STXBP5L: variants seen among roughly 807,000 people sequenced by gnomAD.
STXBP5L encodes the protein syntaxin-binding protein 5-like.
Under a neutral mutation model 144.5 loss-of-function variants are expected in STXBP5L, and 65 were observed. The observed-to-expected ratio is 0.45, with a 90% CI of 0.37 to 0.55. STXBP5L has a LOEUF of 0.55. Ranked by LOEUF, STXBP5L falls within the 20% of genes least tolerant of loss-of-function variation. The pLI, the probability that STXBP5L is intolerant of heterozygous loss-of-function variation, is 0.00. For synonymous variants in STXBP5L, 505 were observed against 469.6 expected (o/e 1.08, Z -0.97); for missense variants, 1,298 against 1,405.5 (o/e 0.92, Z 1.22).
intron 9 of STXBP5L, among the ~76,000 whole-genome samples, chr3:121,176,374 T>G (rs546673265): frequency 6.1e-5 from 9 of 148,418 alleles, no homozygotes; most frequent in African/African-American, 2.0e-4. Context: ...AAGAAAGAAA[T>G]AAGGATTGTA....
At chr3:121,388,051 ATTTG>A (rs1238529932) in intron 22 of STXBP5L, among the ~76,000 whole-genome samples, 4 of 152,286 alleles carry the variant, frequency 2.6e-5, no homozygotes, top group African/African-American at 9.6e-5. Context: ...ATATTCTTCT[ATTTG>A]TTTGTGTCCT....
chr3:120,936,473 G>A (rs536178509), intron 2 of STXBP5L, among the ~76,000 whole-genome samples: 3 of 152,260 alleles, frequency 2.0e-5, no homozygotes, highest in Admixed American at 2.0e-4. Flanking sequence ...TTATCTGATT[G>A]GGGTCAAGCT....
chr3:121,303,116 T>G (rs957988239), intron 19 of STXBP5L, among the ~76,000 whole-genome samples: 3 of 151,964 alleles, frequency 2.0e-5, no homozygotes, highest in Admixed American at 6.6e-5. Context: ...GGGAGAAAAT[T>G]TTTGCAATCT....
intron 3 of STXBP5L, among the ~76,000 whole-genome samples, chr3:120,998,272 G>A (rs1347691335): frequency 6.6e-6 from 1 of 152,078 alleles, no homozygotes; most frequent in Non-Finnish European, 1.5e-5. Context: ...CCTCCAAATA[G>A]GAAGAGAGGA....
chr3:120,970,219 C>T lies in STXBP5L; in HGVS notation c.287+15182C>T, dbSNP rs1192076206. ...GCCTTCATACTCAAGATGTAAATGGCTTACTTATTCAAATTACAGTTTTAG... is the reference window on the plus strand; with the variant it reads ...GCCTTCATACTCAAGATGTAAATGGTTTACTTATTCAAATTACAGTTTTAG... On this transcript the variant is annotated intron_variant, in intron 3 of 26. Coordinates refer to ENST00000471454, the MANE Select transcript of STXBP5L (RefSeq NM_001308330.2). Among the ~76,000 whole-genome samples the T allele has an allele frequency of 2.6e-5, 4 of 152,022 alleles. No homozygotes were observed. In the South Asian group the frequency reaches 8.3e-4, roughly 32 times the overall value.
intron 19 of STXBP5L, among the ~76,000 whole-genome samples, chr3:121,298,138 A>C (rs1385679359): frequency 6.6e-6 from 1 of 151,970 alleles, no homozygotes; most frequent in Non-Finnish European, 1.5e-5. Context: ...CCTCATCAAC[A>C]CTTGTTATTT....
At chr3:121,412,648 C>G (rs1031539242) in intron 23 of STXBP5L, among the ~76,000 whole-genome samples, 3 of 135,434 alleles carry the variant, frequency 2.2e-5, no homozygotes, top group Non-Finnish European at 4.5e-5. Context: ...ATTAGTATTT[C>G]TGATAATAGT....
intron 12 of STXBP5L, 120 bp downstream of exon 12, chr3:121,233,808 A>C: frequency 2.6e-6 from 2 of 762,194 alleles, no homozygotes; most frequent in Non-Finnish European, 3.9e-6. Context: ...GAATTACAGA[A>C]ATGCACTTTG....
At chr3:121,041,654 T>C (rs760612172) in intron 3 of STXBP5L, 46 bp from the exon 4 acceptor site, 1 of 1,361,884 alleles carries the variant, frequency 7.3e-7, no homozygotes, top group Non-Finnish European at 1.1e-6. Context: ...CTCATTAATA[T>C]TGGTGCTAAT....
chr3:121,360,134 C>CA, intron 20 of STXBP5L, among the ~76,000 whole-genome samples: 1 of 148,498 alleles, frequency 6.7e-6, no homozygotes, highest in East Asian at 2.0e-4. Flanking sequence ...GCTGAATTGA[C>CA]CCCTTCATTA....
intron 20 of STXBP5L, among the ~76,000 whole-genome samples, chr3:121,324,136 A>G (rs1026382464): frequency 6.6e-6 from 1 of 152,164 alleles, no homozygotes; most frequent in African/African-American, 2.4e-5. Context: ...GGCTAGGATG[A>G]TAGAAATATA....
intron 19 of STXBP5L, among the ~76,000 whole-genome samples, chr3:121,281,161 C>T (rs13100963): frequency 0.019 from 2,961 of 151,914 alleles, 46 homozygotes; most frequent in Non-Finnish European, 0.029. Flanking sequence ...ACTTGTTATA[C>T]TGAAACTCTT....
At chr3:121,076,334 G>A (rs1421993802) in intron 5 of STXBP5L, among the ~76,000 whole-genome samples, 1 of 152,172 alleles carries the variant, frequency 6.6e-6, no homozygotes, top group Non-Finnish European at 1.5e-5. Context: ...TGTCAGGGAT[G>A]GATAAATTGG....
chr3:121,260,472 C>T (rs1243165438), intron 18 of STXBP5L, among the ~76,000 whole-genome samples: 2 of 151,910 alleles, frequency 1.3e-5, no homozygotes, highest in Non-Finnish European at 2.9e-5. Flanking sequence ...AGTCCTTCCT[C>T]ACTTCAAGAT....
At chr3:121,368,547 GA>G (rs1383474501) in intron 20 of STXBP5L, among the ~76,000 whole-genome samples, 1 of 151,134 alleles carries the variant, frequency 6.6e-6, no homozygotes. Context: ...TGTACATTAT[GA>G]TTTTTTTTGT....
chr3:120,917,152 T>C (rs1357969957), intron 2 of STXBP5L, among the ~76,000 whole-genome samples: 2 of 152,138 alleles, frequency 1.3e-5, no homozygotes, highest in Non-Finnish European at 2.9e-5. Context: ...TGTCCCAGCT[T>C]TGTGGAGTGG....
chr3:121,108,554 G>C (rs182513541), intron 5 of STXBP5L, among the ~76,000 whole-genome samples: 8 of 152,090 alleles, frequency 5.3e-5, no homozygotes, highest in African/African-American at 1.4e-4. Flanking sequence ...CTTGCATCCC[G>C]GGGATGAAGC....
chr3:121,064,128 G>A (rs1045891589), intron 5 of STXBP5L, among the ~76,000 whole-genome samples: 2 of 152,184 alleles, frequency 1.3e-5, no homozygotes, highest in Non-Finnish European at 2.9e-5. Flanking sequence ...GTAGGCTCCG[G>A]AGGGAATCTC....
intron 5 of STXBP5L, among the ~76,000 whole-genome samples, chr3:121,055,860 T>A (rs917498735): frequency 6.7e-6 from 1 of 149,528 alleles, no homozygotes. Context: ...AATGTTAATT[T>A]TTTTTTTTTT....
Sources: gnomAD v4.1 joint callset for allele counts (sites outside exome capture counted in the v4.1 genomes callset) on GRCh38, gnomAD v4.1.1 for gene constraint, MANE v1.5 for transcripts, NCBI Gene and HGNC (gene_info 2026-07-23, HGNC 2026-07-21) for gene names.